CNGB3: variants seen among roughly 807,000 people sequenced by gnomAD.
CNGB3 encodes cyclic nucleotide-gated channel beta-3.
Under a neutral mutation model 92.8 loss-of-function variants are expected in CNGB3, and 86 were observed. The ratio of observed to expected loss-of-function variants is 0.93; its 90% confidence interval spans 0.78 to 1.11. The LOEUF (loss-of-function observed/expected upper bound fraction) is 1.11. Ranked by LOEUF, CNGB3 falls within the 50% of genes least tolerant of loss-of-function variation. The pLI, the probability that CNGB3 is intolerant of heterozygous loss-of-function variation, is 0.00. For missense variants in CNGB3, 1,026 were observed against 956.8 expected (o/e 1.07, Z -0.95); for synonymous variants, 333 against 332.7 (o/e 1.00, Z -0.01).
At chr8:86,625,538 G>C (rs1822828931) in intron 13 of CNGB3, among the ~76,000 whole-genome samples, 1 of 151,638 alleles carries the variant, frequency 6.6e-6, no homozygotes, top group Admixed American at 6.6e-5. Context: ...ATTAAAATTT[G>C]GCCATTTTAA....
intron 13 of CNGB3, among the ~76,000 whole-genome samples, chr8:86,621,324 A>AATAAGAC (rs1213744340): frequency 1.3e-5 from 2 of 152,196 alleles, no homozygotes; most frequent in Non-Finnish European, 2.9e-5. Context: ...CCATACCTAT[A>AATAAGAC]ATAAGACATA....
At chr8:86,601,185 G>T (rs1450572797) in intron 15 of CNGB3, among the ~76,000 whole-genome samples, 1 of 152,034 alleles carries the variant, frequency 6.6e-6, no homozygotes, top group African/African-American at 2.4e-5. Flanking sequence ...AATCATAATG[G>T]CAACACAAGA....
chr8:86,589,067 G>C (rs1400001261), intron 15 of CNGB3, among the ~76,000 whole-genome samples: 1 of 152,078 alleles, frequency 6.6e-6, no homozygotes, highest in Non-Finnish European at 1.5e-5. Context: ...TTAGTCTTGG[G>C]AGAGTGTGTG....
intron 3 of CNGB3, among the ~76,000 whole-genome samples, chr8:86,711,839 A>G (rs62525697): frequency 5.1e-5 from 6 of 117,122 alleles, no homozygotes; most frequent in Non-Finnish European, 9.9e-5. Flanking sequence ...CTCTCTCTAT[A>G]TATATATATA....
chr8:86,716,588 T>G (rs1824857500), intron 3 of CNGB3, among the ~76,000 whole-genome samples: 1 of 152,038 alleles, frequency 6.6e-6, no homozygotes, highest in Non-Finnish European at 1.5e-5. Context: ...ACAAAACAAT[T>G]AGCAGCCAAA....
intron 15 of CNGB3, among the ~76,000 whole-genome samples, chr8:86,583,342 T>G (rs2131537509): frequency 6.6e-6 from 1 of 152,316 alleles, no homozygotes; most frequent in Non-Finnish European, 1.5e-5. Context: ...AACATTCTGT[T>G]GTAAGGCACC....
intron 6 of CNGB3, chr8:86,661,474 T>C (rs1421104505): frequency 3.3e-6 from 2 of 605,832 alleles, no homozygotes; most frequent in Admixed American, 1.9e-5. Context: ...CTGAGCTCTT[T>C]CATAAGTCCA....
intron 2 of CNGB3, among the ~76,000 whole-genome samples, chr8:86,731,076 T>C (rs1177205619): frequency 2.0e-5 from 3 of 152,226 alleles, no homozygotes; most frequent in Admixed American, 6.5e-5. Flanking sequence ...TTATTTCAAA[T>C]TCATAGAAAT....
intron 13 of CNGB3, among the ~76,000 whole-genome samples, chr8:86,619,026 G>A (rs1822672582): frequency 6.6e-6 from 1 of 152,196 alleles, no homozygotes; most frequent in African/African-American, 2.4e-5. Flanking sequence ...GTGTCCTGTT[G>A]GGATGGGTTC....
At position 86,577,770 on chromosome 8, in the gene CNGB3, T is replaced by C. The variant is rs1458294445; in HGVS notation, c.2103+919A>G. ...CTCTGGAAGGCACATCACAGCATTTTGGCACTTAGGAGCACTAGACAGTAT... is the reference window on the plus strand; with the variant it reads ...CTCTGGAAGGCACATCACAGCATTTCGGCACTTAGGAGCACTAGACAGTAT... On this transcript the variant is annotated intron_variant, in intron 17 of 17. Transcript: ENST00000320005. Among the ~76,000 whole-genome samples the C allele has an allele frequency of 6.6e-5, 10 of 152,210 alleles. No homozygotes were observed. The East Asian group carries it at 1.7e-3, about 26-fold the overall frequency.
rs1821716014 is a variant in CNGB3 at position 86,579,229 on chromosome 8, T to A, written c.1805A>T (p.Asn602Ile). The A allele has an allele frequency of 6.2e-7, 1 of 1,613,964 alleles. No individual in the cohort carries two copies. Among genetic ancestry groups the A allele is most frequent in the Admixed American group, 1.7e-5 (1 of 59,996 alleles). ...EISLLAAGGG[N>I]RRTANVVAHG... ...GGCCACCACATTGGCAGTTCGACGG[T>A]TTCCTCCTCCTGCTGCTAGAAGGCT... Residue 602 changes from asparagine to isoleucine, a missense_variant, in exon 16 of 18, where the codon AAC (asparagine) becomes ATC (isoleucine). Transcript: ENST00000320005.
chr8:86,650,170 A>G (rs1823372996), intron 7 of CNGB3, among the ~76,000 whole-genome samples: 1 of 151,556 alleles, frequency 6.6e-6, no homozygotes, highest in South Asian at 2.1e-4. Context: ...AAAATGAAAA[A>G]GCAGGCACAC....
At chr8:86,675,250 G>A (rs1363665527) in intron 3 of CNGB3, among the ~76,000 whole-genome samples, 1 of 152,016 alleles carries the variant, frequency 6.6e-6, no homozygotes, top group African/African-American at 2.4e-5. Context: ...TTGTGTGTGA[G>A]TCTGTAGACA....
At chr8:86,643,246 G>T (rs991896394) in intron 10 of CNGB3, among the ~76,000 whole-genome samples, 2 of 151,320 alleles carry the variant, frequency 1.3e-5, no homozygotes, top group Non-Finnish European at 3.0e-5. Flanking sequence ...AATTCATGGG[G>T]TACTCATGCA....
intron 6 of CNGB3, among the ~76,000 whole-genome samples, chr8:86,656,710 T>C (rs1823511401): frequency 6.6e-6 from 1 of 152,148 alleles, no homozygotes; most frequent in Non-Finnish European, 1.5e-5. Context: ...ATTTACCTCT[T>C]CTTTCTGCTC....
chr8:86,587,503 T>C (rs1405575782), intron 15 of CNGB3, among the ~76,000 whole-genome samples: 4 of 152,218 alleles, frequency 2.6e-5, no homozygotes, highest in African/African-American at 9.6e-5. Flanking sequence ...CCATATTGAA[T>C]TGATTTTTAT....
At chr8:86,623,040 G>C (rs1029521317) in intron 13 of CNGB3, among the ~76,000 whole-genome samples, 2 of 152,094 alleles carry the variant, frequency 1.3e-5, no homozygotes, top group Non-Finnish European at 2.9e-5. Flanking sequence ...TACAGCTTCT[G>C]CTTCTTCATC....
intron 13 of CNGB3, among the ~76,000 whole-genome samples, chr8:86,622,537 C>A (rs1822760431): frequency 6.6e-6 from 1 of 152,190 alleles, no homozygotes; most frequent in Admixed American, 6.5e-5. Context: ...CCTTATGCTT[C>A]TTCCTAATCA....
intron 3 of CNGB3, among the ~76,000 whole-genome samples, chr8:86,708,191 A>C (rs13278423): frequency 0.58 from 87,883 of 151,978 alleles, 26,070 homozygotes; most frequent in South Asian, 0.74. Flanking sequence ...CACTTGCTAA[A>C]AGAATCTAGG....
Sources: gnomAD v4.1 joint callset for allele counts (sites outside exome capture counted in the v4.1 genomes callset) on GRCh38, gnomAD v4.1.1 for gene constraint, MANE v1.5 for transcripts, NCBI Gene and HGNC (gene_info 2026-07-23, HGNC 2026-07-21) for gene names.